The following CARM1 variants were observed in gnomAD, a reference collection of about 807,000 sequenced individuals.
The protein encoded by CARM1 is coactivator associated arginine methyltransferase 1, also known as histone-arginine methyltransferase CARM1.
CARM1 carries 14 observed loss-of-function variants against 72.7 expected under a neutral mutation model. The ratio of observed to expected loss-of-function variants is 0.19; its 90% confidence interval spans 0.13 to 0.30. The LOEUF (loss-of-function observed/expected upper bound fraction) is 0.30, where lower values mean the gene tolerates loss of function less well. Among genes scored for constraint, CARM1 ranks in the 10% least tolerant of loss-of-function variants. The probability of loss-of-function intolerance (pLI) is 1.00; values close to 1 mark genes in which losing one functional copy is unlikely to be tolerated. For missense variants in CARM1, 432 were observed against 833.7 expected (o/e 0.52, Z 5.93); for synonymous variants, 333 against 345.5 (o/e 0.96, Z 0.40).
rs1456460309 is a variant in CARM1 at position 10,915,744 on chromosome 19, C to T, written c.848-663C>T. ...TCTGGAGGCCAGGTGCTCCTTGGGG[C>T]AGGCGGGGCTGCGGGGCCCTGATCC... On this transcript the variant is annotated intron_variant, in intron 6 of 15. Coordinates refer to ENST00000327064, the MANE Select transcript of CARM1 (RefSeq NM_199141.2). The surrounding 1 kb of genome is among the most constrained non-coding windows in gnomAD (Gnocchi z 4.6). Among the ~76,000 whole-genome samples, 3 of 152,160 alleles carry T rather than the reference C, an allele frequency of 2.0e-5. No homozygotes were observed. Among genetic ancestry groups the T allele is most frequent in the Non-Finnish European group, 4.4e-5 (3 of 68,000 alleles).
chr19:10,909,510 C>T (rs893798259), intron 4 of CARM1, among the ~76,000 whole-genome samples: 19 of 151,652 alleles, frequency 1.3e-4, no homozygotes, highest in African/African-American at 3.4e-4. Context: ...CCCAGGCGGG[C>T]GGGTCACAAG....
intron 1 of CARM1, among the ~76,000 whole-genome samples, chr19:10,894,031 A>T (rs929318456): frequency 2.0e-5 from 3 of 151,576 alleles, no homozygotes; most frequent in Non-Finnish European, 1.5e-5. Context: ...GAATGGGGGG[A>T]AGCTTCTGGT....
rs569010084 is a variant in CARM1, at chr19:10,923,032, A to G, written c.*1275A>G. The G allele has an allele frequency of 1.2e-4, 49 of 394,324 alleles. No individual in the cohort carries two copies. Among genetic ancestry groups the G allele is most frequent in the Admixed American group, 4.7e-4 (10 of 21,264 alleles). The allele number at this position is 394,324 out of a possible 1,614,324, so 24.4% of individuals were successfully genotyped here. A position where few individuals can be genotyped will look rare whatever the true frequency, so the allele number is the denominator to read the frequency against. On this transcript the variant is annotated 3_prime_UTR_variant, in exon 16 of 16. Coordinates refer to ENST00000327064, the MANE Select transcript of CARM1 (RefSeq NM_199141.2). Reference sequence around the variant, plus strand: ...GCCCGCCTTTATATAAATTCTCTGAATCACCTTTGCATAGAAAATAAAAGT... The same window carrying G: ...GCCCGCCTTTATATAAATTCTCTGAGTCACCTTTGCATAGAAAATAAAAGT...
intron 1 of CARM1, among the ~76,000 whole-genome samples, chr19:10,888,593 C>T (rs929711747): frequency 6.6e-6 from 1 of 152,116 alleles, no homozygotes; most frequent in African/African-American, 2.4e-5. Flanking sequence ...GCATGTGGAG[C>T]GAGGGGGCTG....
intron 3 of CARM1, chr19:10,908,897 G>T (rs959731184): frequency 4.1e-6 from 2 of 486,328 alleles, no homozygotes; most frequent in Non-Finnish European, 7.4e-6. Context: ...CGGCTGCAGT[G>T]ATAGTGGCGG....
intron 1 of CARM1, among the ~76,000 whole-genome samples, chr19:10,872,139 G>A (rs1412445404): frequency 6.6e-6 from 1 of 152,120 alleles, no homozygotes; most frequent in East Asian, 1.9e-4. Flanking sequence ...AAGGTGCCCA[G>A]AGTGAGCAAG....
chr19:10,898,406 T>C (rs564371369), intron 1 of CARM1, among the ~76,000 whole-genome samples: 1 of 152,306 alleles, frequency 6.6e-6, no homozygotes, highest in South Asian at 2.1e-4. Flanking sequence ...CCTTGCCTGC[T>C]AGCCCTGCAG....
In CARM1 at chr19:10,921,879, C is replaced by T; in HGVS notation, c.*122C>T. On this transcript the variant is annotated 3_prime_UTR_variant, in exon 16 of 16. Coordinates refer to ENST00000327064, the MANE Select transcript of CARM1 (RefSeq NM_199141.2). ...GAACACCCGGTCACAGCTCTCTTTG[C>T]TATGGGAACTGGGACACTTTTTTAC... The T allele has an allele frequency of 1.0e-6, 1 of 986,182 alleles. No homozygotes were observed. Among genetic ancestry groups the T allele is most frequent in the Non-Finnish European group, 1.5e-6 (1 of 671,830 alleles). The allele number at this position is 986,182 out of a possible 1,614,324, so 61.1% of individuals were successfully genotyped here.
At position 10,916,745 on chromosome 19, in the gene CARM1, G is replaced by A. The variant is rs1568356432; in HGVS notation, c.988G>A (p.Ala330Thr). 1.3e-6 allele frequency: 2 copies of A among 1,552,408 alleles called. No homozygotes were observed. Among genetic ancestry groups the A allele is most frequent in the Non-Finnish European group, 1.7e-6 (2 of 1,147,768 alleles). Residue 330 changes from alanine (A) to threonine (T), a missense_variant, in exon 8 of 16, where the codon GCG becomes ACG. This residue lies in a region of CARM1 where 152 missense variants were observed against 452.8 expected (regional missense o/e 0.34). Coordinates refer to ENST00000327064, the MANE Select transcript of CARM1 (RefSeq NM_199141.2). This position sits in a 1 kb window ranked among gnomAD's most constrained non-coding sequence, Gnocchi z 4.4. ...GGACCTGTCGGCCCTCCGAGGTGCC[G>A]CGGTGGATGAGTATTTCCGGCAGCC... ...GVDLSALRGA[A>T]VDEYFRQPVV...
At chr19:10,885,918 A>C (rs1234346552) in intron 1 of CARM1, among the ~76,000 whole-genome samples, 1 of 134,540 alleles carries the variant, frequency 7.4e-6, no homozygotes. Context: ...TTTTTTTGAG[A>C]CAGGGAGTGC....
intron 1 of CARM1, among the ~76,000 whole-genome samples, chr19:10,898,815 C>T (rs761601904): frequency 6.6e-6 from 1 of 152,084 alleles, no homozygotes; most frequent in Non-Finnish European, 1.5e-5. Context: ...GCCAGGTGTG[C>T]GATGGCCCAC....
At position 10,921,227 on chromosome 19, in the gene CARM1, C is replaced by T. The variant is rs1040415127; in HGVS notation, c.1615+100C>T. ...TGACCAGGGTCGGCCTCTGCTTGGT[C>T]CTTTCACCTTTTCCTCTTCCTGGGG... is the stretch of plus-strand genomic sequence containing the variant. On this transcript the variant is annotated intron_variant, in intron 14 of 15. Transcript: ENST00000327064. The T allele has an allele frequency of 4.9e-6, 7 of 1,439,538 alleles. No individual in the cohort carries two copies. The Admixed American group carries it at 7.1e-5, about 15-fold the overall frequency. The allele number at this position is 1,439,538 out of a possible 1,614,324, so 89.2% of individuals were successfully genotyped here.
chr19:10,917,401 C>T (rs904806489), intron 8 of CARM1, among the ~76,000 whole-genome samples: 56 of 151,996 alleles, frequency 3.7e-4, no homozygotes, highest in Non-Finnish European at 6.0e-4. Flanking sequence ...GGCGTGAACC[C>T]GGGAGGCAGA....
chr19:10,921,460 G>T lies in CARM1; in HGVS notation c.1684+17G>T, dbSNP rs1448640118. The T allele has an allele frequency of 6.3e-7, 1 of 1,596,402 alleles. No individual in the cohort carries two copies. The highest frequency in any genetic ancestry group is 8.5e-7 in the Non-Finnish European group (1 of 1,170,818). On this transcript the variant is annotated intron_variant, in intron 15 of 15. Transcript: ENST00000327064. ...TTGTCCAAGGTAACGAGGGTGGCGG[G>T]GGCAGGGCCCGTGGGGGCCGAGCTA...
rs974893827 is a variant in CARM1, at chr19:10,871,738, G to A, written c.36G>A (p.Ala12=). ...CGGCGGCGGCGGTGGGGCCGGGCGC[G>A]GGCGGCGCGGGGTCGGCGGTCCCGG... ...AAAAAAVGPG[A]GGAGSAVPGG... is the part of the protein sequence containing the mutation. Residue 12 remains alanine, a synonymous_variant, in exon 1 of 16, where the codon GCG becomes GCA. Transcript: ENST00000327064. This position sits in a 1 kb window ranked among gnomAD's most constrained non-coding sequence, Gnocchi z 5.6. The A allele has an allele frequency of 1.2e-5, 12 of 1,031,760 alleles. 1 individual carries two copies. In the South Asian group the frequency reaches 5.3e-4, roughly 46 times the overall value. The allele number at this position is 1,031,760 out of a possible 1,614,324, so 63.9% of individuals were successfully genotyped here. A position where few individuals can be genotyped will look rare whatever the true frequency, so the allele number is the denominator to read the frequency against.
chr19:10,898,406 T>G (rs564371369), intron 1 of CARM1, among the ~76,000 whole-genome samples: 1 of 152,190 alleles, frequency 6.6e-6, no homozygotes, highest in Non-Finnish European at 1.5e-5. Context: ...CCTTGCCTGC[T>G]AGCCCTGCAG....
intron 1 of CARM1, among the ~76,000 whole-genome samples, chr19:10,903,742 T>C (rs1239424285): frequency 6.7e-6 from 1 of 149,760 alleles, no homozygotes; most frequent in East Asian, 1.9e-4. Context: ...TTGTCCTTTA[T>C]TTATTTTTTT....
At chr19:10,919,771 G>T in intron 9 of CARM1, 91 bp downstream of exon 9, 1 of 1,498,330 alleles carries the variant, frequency 6.7e-7, no homozygotes, top group South Asian at 1.1e-5. Flanking sequence ...GCCGTCCCAG[G>T]GCAGATGGTG....
chr19:10,899,923 G>A (rs778259541), intron 1 of CARM1, among the ~76,000 whole-genome samples: 22 of 152,068 alleles, frequency 1.4e-4, no homozygotes, highest in Non-Finnish European at 1.5e-4. Context: ...GTTTTGCCAT[G>A]TTGGACAGGT....
Sources: allele counts gnomAD v4.1 joint callset (sites outside exome capture counted in the v4.1 genomes callset), GRCh38; gene constraint gnomAD v4.1.1; regional missense constraint gnomAD v4.1.1; non-coding constraint Gnocchi (gnomAD v3.1); transcripts MANE v1.5; gene names NCBI Gene and HGNC (gene_info 2026-07-23, HGNC 2026-07-21).